DISC1: variants seen among roughly 807,000 people sequenced by gnomAD.
DISC1 encodes the protein DISC1 scaffold protein.
DISC1 carries 57 observed loss-of-function variants against 84.5 expected under a neutral mutation model. That is an observed-to-expected ratio of 0.67 (90% CI 0.55 to 0.84). DISC1 has a LOEUF of 0.84. Ranked by LOEUF, DISC1 falls within the 40% of genes least tolerant of loss-of-function variation. The pLI is 0.00. For missense variants in DISC1, 1,000 were observed against 1,057.8 expected (o/e 0.95, Z 0.76); for synonymous variants, 411 against 415.2 (o/e 0.99, Z 0.12).
At chr1:231,863,587 C>G (rs1272549869) in intron 9 of DISC1, among the ~76,000 whole-genome samples, 1 of 152,162 alleles carries the variant, frequency 6.6e-6, no homozygotes, top group African/African-American at 2.4e-5. Context: ...AGATTCGAAC[C>G]ATTGCTTTTA....
chr1:232,031,220 A>T lies in DISC1; in HGVS notation c.2425+4668A>T, dbSNP rs1462141972. On this transcript the variant is annotated intron_variant, in intron 12 of 12. Coordinates refer to ENST00000439617, the MANE Select transcript of DISC1 (RefSeq NM_018662.3). This position sits in a 1 kb window ranked among gnomAD's most constrained non-coding sequence, Gnocchi z 4.6. ...CAGAGAGAGAGGAAGGAAGGAAGGG[A>T]GAAAGAGAGAGAGAAAGAGAGGAAG... Among the ~76,000 whole-genome samples the T allele has an allele frequency of 1.4e-5, 2 of 140,348 alleles. No individual in the cohort carries two copies. Among genetic ancestry groups the T allele is most frequent in the Non-Finnish European group, 3.2e-5 (2 of 62,778 alleles). 92.1% of individuals were successfully genotyped at this position (140,348 alleles called of 152,430 possible).
At position 232,008,844 on chromosome 1, in the gene DISC1, T is replaced by C. The variant is rs1667776987; in HGVS notation, c.2102T>C (p.Leu701Pro). 6.2e-7 allele frequency: 1 copy of C among 1,610,778 alleles called. No homozygotes were observed. The highest frequency in any genetic ancestry group is 8.5e-7 in the Non-Finnish European group (1 of 1,178,086). The change falls in exon 11 of 13, where the codon CTT (leucine) becomes CCT (proline). Residue 701 changes from leucine (L) to proline (P), a missense_variant. By Grantham distance (98) the Leu-to-Pro change is moderately conservative (BLOSUM62 -3). Transcript: ENST00000439617. The stretch of plus-strand genomic sequence containing the variant: ...GCTGACTTGGAAGCTTGTCGATTGC[T>C]TATCCAGAGCCTACAGCTCCAGGAA... Reference protein sequence around the residue: ...WEADLEACRLLIQSLQLQEAR... With the variant: ...WEADLEACRLPIQSLQLQEAR...
intron 1 of DISC1, among the ~76,000 whole-genome samples, chr1:231,692,244 C>T (rs2065129134): frequency 6.6e-6 from 1 of 152,098 alleles, no homozygotes; most frequent in South Asian, 2.1e-4. Context: ...TGACTTCTTC[C>T]ACCACCACCT....
chr1:231,825,547 T>C (rs2081802750), intron 9 of DISC1, among the ~76,000 whole-genome samples: 1 of 152,178 alleles, frequency 6.6e-6, no homozygotes, highest in South Asian at 2.1e-4. Context: ...AACTTCATGA[T>C]CTTAAAGAAG....
chr1:231,899,990 T>C (rs200491510), intron 9 of DISC1, among the ~76,000 whole-genome samples: 1 of 152,198 alleles, frequency 6.6e-6, no homozygotes, highest in Admixed American at 6.5e-5. Context: ...GGATAGAGAT[T>C]TTGTTCCCAG....
At chr1:231,689,019 G>A (rs2064660629) in intron 1 of DISC1, among the ~76,000 whole-genome samples, 1 of 151,966 alleles carries the variant, frequency 6.6e-6, no homozygotes. Context: ...CTGATTCTTT[G>A]GAAACAAATT....
intron 6 of DISC1, among the ~76,000 whole-genome samples, chr1:231,787,879 G>C (rs1382034324): frequency 4.6e-5 from 7 of 152,176 alleles, no homozygotes; most frequent in Non-Finnish European, 1.0e-4. Context: ...GCAGGAATGA[G>C]TGACCCTCCA....
At chr1:231,816,591 G>A (rs1222808912) in intron 8 of DISC1, among the ~76,000 whole-genome samples, 5 of 152,002 alleles carry the variant, frequency 3.3e-5, no homozygotes, top group Admixed American at 3.3e-4. Context: ...TTTTTGTGTG[G>A]TTTGAGGTAT....
Position 231,786,860 on chromosome 1 carries a change from G to A in DISC1, c.1635-8382G>A, listed in dbSNP as rs2077906526. ...TCCACCCTTGGGAGCAGTGCTCTGA[G>A]AAGAGGCCCTGGCAGGATGCAGCCT... is the stretch of plus-strand genomic sequence containing the variant. On this transcript the variant is annotated intron_variant, in intron 6 of 12. Transcript: ENST00000439617. 2.0e-5 allele frequency among the ~76,000 whole-genome samples: 3 copies of A among 152,264 alleles called. No individual in the cohort carries two copies. The East Asian group carries it at 5.8e-4, about 29-fold the overall frequency.
intron 10 of DISC1, among the ~76,000 whole-genome samples, chr1:231,989,842 A>G (rs903631954): frequency 6.6e-6 from 1 of 152,270 alleles, no homozygotes; most frequent in East Asian, 1.9e-4. Context: ...TCCATTATGG[A>G]TGAGGAAACA....
chr1:232,019,314 A>G (rs1668743805), intron 11 of DISC1, among the ~76,000 whole-genome samples: 1 of 152,200 alleles, frequency 6.6e-6, no homozygotes, highest in Admixed American at 6.5e-5. Flanking sequence ...AGGGAAAACA[A>G]TTATTCCTAG....
At chr1:231,768,881 A>G (rs779510524) in intron 5 of DISC1, among the ~76,000 whole-genome samples, 37 of 152,222 alleles carry the variant, frequency 2.4e-4, no homozygotes, top group Non-Finnish European at 2.9e-5. Flanking sequence ...AACAGTTCAA[A>G]GAGGAGAGGG....
rs191668023 is a variant in DISC1 at position 231,826,153 on chromosome 1, A to G, written c.1981+7636A>G. Among the ~76,000 whole-genome samples, 1 of 152,176 alleles carries G rather than the reference A, an allele frequency of 6.6e-6. No individual in the cohort carries two copies. Among genetic ancestry groups the G allele is most frequent in the Non-Finnish European group, 1.5e-5 (1 of 68,030 alleles). Reference sequence around the variant, plus strand: ...TCTGGACCACTGTGGTACTGGCTCCACTGGAATCTCTGTTTTACCGATGAA... The same window carrying G: ...TCTGGACCACTGTGGTACTGGCTCCGCTGGAATCTCTGTTTTACCGATGAA... On this transcript the variant is annotated intron_variant, in intron 9 of 12. Coordinates refer to ENST00000439617, the MANE Select transcript of DISC1 (RefSeq NM_018662.3). The surrounding 1 kb of genome is among the most constrained non-coding windows in gnomAD (Gnocchi z 4.2).
intron 12 of DISC1, 32 bp downstream of exon 12, chr1:232,026,584 C>A: frequency 6.7e-7 from 1 of 1,500,896 alleles, no homozygotes; most frequent in Non-Finnish European, 9.1e-7. Context: ...TGAAGCAAGG[C>A]AAAGTTATTT....
chr1:231,716,984 G>T (rs905314111), intron 3 of DISC1, among the ~76,000 whole-genome samples: 24 of 152,102 alleles, frequency 1.6e-4, no homozygotes, highest in African/African-American at 5.6e-4. Context: ...ACACGTTCTG[G>T]ATGGCAGAGA....
At chr1:231,635,202 T>C (rs1476792637) in intron 1 of DISC1, among the ~76,000 whole-genome samples, 1 of 152,100 alleles carries the variant, frequency 6.6e-6, no homozygotes, top group Non-Finnish European at 1.5e-5. Flanking sequence ...TGGGTTATTG[T>C]TCCTCTGTGG....
chr1:231,843,371 T>G (rs1460389567), intron 9 of DISC1, among the ~76,000 whole-genome samples: 1 of 151,960 alleles, frequency 6.6e-6, no homozygotes, highest in East Asian at 1.9e-4. Flanking sequence ...GTGTACCACT[T>G]AAGGAGCTTG....
intron 9 of DISC1, among the ~76,000 whole-genome samples, chr1:231,939,395 A>G (rs1443795110): frequency 1.3e-5 from 2 of 152,160 alleles, no homozygotes; most frequent in Non-Finnish European, 2.9e-5. Flanking sequence ...CTATTTCCTA[A>G]ATACCTTTCC....
At chr1:231,635,046 G>C (rs1425320395) in intron 1 of DISC1, among the ~76,000 whole-genome samples, 1 of 152,042 alleles carries the variant, frequency 6.6e-6, no homozygotes, top group Non-Finnish European at 1.5e-5. Flanking sequence ...CCACACCTAG[G>C]ATGCCTCTTC....
Sources: allele counts gnomAD v4.1 joint callset (sites outside exome capture counted in the v4.1 genomes callset), GRCh38; gene constraint gnomAD v4.1.1; non-coding constraint Gnocchi (gnomAD v3.1); transcripts MANE v1.5; gene names NCBI Gene and HGNC (gene_info 2026-07-23, HGNC 2026-07-21).